Variants in RHPN1 observed in about 807,000 individuals in gnomAD.
RHPN1 encodes rhophilin Rho GTPase binding protein 1.
A neutral mutation model predicts 74.7 loss-of-function variants in RHPN1; 77 were observed. The ratio of observed to expected loss-of-function variants is 1.03; its 90% CI spans 0.86 to 1.25. The LOEUF is 1.25. RHPN1 is among the 50% of genes most tolerant of loss of function. The pLI is 0.00. For missense variants in RHPN1, 987 were observed against 932.2 expected, an observed-to-expected ratio of 1.06 and a Z score of -0.77; for synonymous variants, 444 against 414.5, an observed-to-expected ratio of 1.07 and a Z score of -0.87.
At position 143,381,303 on chromosome 8, in the gene RHPN1, C is replaced by T. The variant is rs142852353; in HGVS notation, c.1447C>T (p.Arg483Cys). The T allele has an allele frequency of 7.0e-4, 1,134 of 1,612,988 alleles. 8 individuals are homozygous for T. The African/African-American group carries it at 0.013, about 19-fold the overall frequency. Residue 483 changes from arginine (R) to cysteine (C), a missense_variant, in exon 12 of 15, where the codon CGC becomes TGC. Physicochemically the swap from Arg to Cys is radical, Grantham distance 180 (BLOSUM62 -3). Coordinates refer to ENST00000289013, the MANE Select transcript of RHPN1 (RefSeq NM_052924.3). ...THQKPEARMP[R>C]LSQGKGPDIF... The stretch of plus-strand genomic sequence containing the variant: ...CCAGAAGCCAGAGGCCAGGATGCCA[C>T]GCCTGTCCCAGGGGAAGGGGCCTGA...
At chr8:143,377,663 G>A (rs1285355811) in intron 4 of RHPN1, among the ~76,000 whole-genome samples, 2 of 152,142 alleles carry the variant, frequency 1.3e-5, no homozygotes, top group Admixed American at 6.5e-5. Context: ...TGGTGCCTGC[G>A]CCCCAGGCCG....
intron 7 of RHPN1, 59 bp from the exon 8 acceptor site, chr8:143,379,256 A>G (rs1818516562): frequency 4.0e-6 from 6 of 1,481,658 alleles, no homozygotes; most frequent in Non-Finnish European, 4.5e-6. Flanking sequence ...TGAGTGCTGC[A>G]TGGGGCAGAG....
Position 143,378,233 on chromosome 8 carries a change from G to C in RHPN1, c.382-36G>C, listed in dbSNP as rs1056513204. The C allele has an allele frequency of 6.6e-6, 10 of 1,525,866 alleles. No individual in the cohort carries two copies. In the East Asian group the frequency reaches 2.4e-4, roughly 37 times the overall value. The allele number at this position is 1,525,866 out of a possible 1,614,324, so 94.5% of individuals were successfully genotyped here. On this transcript the variant is annotated intron_variant, in intron 4 of 14. Coordinates refer to ENST00000289013, the MANE Select transcript of RHPN1 (RefSeq NM_052924.3). ...ACCTCAGGGAAGGAGGCCAGGCACA[G>C]GGGTACTGTGGATGCCAACACCTGC...
intron 4 of RHPN1, 142 bp downstream of exon 4, chr8:143,377,597 G>A: frequency 1.6e-6 from 1 of 626,954 alleles, no homozygotes; most frequent in Non-Finnish European, 2.8e-6. Flanking sequence ...AGGGACGCAA[G>A]GGACCTGGCA....
chr8:143,371,673 C>G (rs543890084), intron 1 of RHPN1, among the ~76,000 whole-genome samples: 4 of 152,240 alleles, frequency 2.6e-5, no homozygotes, highest in Non-Finnish European at 4.4e-5. Flanking sequence ...CCCTCTCCAT[C>G]GAGGCATGGC....
Position 143,375,613 on chromosome 8 carries a change from C to G in RHPN1, c.121C>G (p.His41Asp), listed in dbSNP as rs775558506. The G allele has an allele frequency of 6.2e-7, 1 of 1,609,194 alleles. No individual in the cohort carries two copies. The highest frequency in any genetic ancestry group is 8.5e-7 in the Non-Finnish European group (1 of 1,178,394). ...GQLQSRRAQI[H>D]QQIDKELQMR... Reference sequence around the variant, plus strand: ...GCTGCAGAGCCGCAGGGCCCAGATTCACCAGCAGATTGACAAGGAGCTGCA... The same window carrying G: ...GCTGCAGAGCCGCAGGGCCCAGATTGACCAGCAGATTGACAAGGAGCTGCA... Residue 41 changes from histidine (H) to aspartate (D), a missense_variant, in exon 2 of 15, where the codon CAC becomes GAC. By Grantham distance (81) the His-to-Asp change is moderately conservative. Transcript: ENST00000289013.
rs1818612829 is a variant in RHPN1, at chr8:143,380,142, C to T, written c.1183C>T (p.Leu395=). 3 of 1,548,494 alleles carry T rather than the reference C, an allele frequency of 1.9e-6. No individual in the cohort carries two copies. The highest frequency in any genetic ancestry group is 2.4e-5 in the South Asian group (2 of 83,954). ...CTCCTCTAAGCCCCGAGGCCCTGTG[C>T]TGCCGCAGGAGCTGGAGGAGCGCAG... ...PTSSKPRGPV[L]PQELEERRQL... The change falls in exon 10 of 15, where the codon CTG becomes TTG. Residue 395 remains leucine, a synonymous_variant. Transcript: ENST00000289013.
chr8:143,382,180 A>C (rs1314631367), intron 14 of RHPN1, among the ~76,000 whole-genome samples: 1 of 152,190 alleles, frequency 6.6e-6, no homozygotes, highest in Non-Finnish European at 1.5e-5. Flanking sequence ...CCCACCCCTC[A>C]CTGGGCCTCT....
rs748386173 is a variant in RHPN1, at chr8:143,381,647, G to A, written c.1564G>A (p.Gly522Ser). 1.5e-5 allele frequency: 24 copies of A among 1,611,126 alleles called. No individual in the cohort carries two copies. The highest frequency in any genetic ancestry group is 2.0e-5 in the Non-Finnish European group (24 of 1,179,368). ...GPVHLTRGEG[G>S]FGLTLRGDSP... The stretch of plus-strand genomic sequence containing the variant: ...CGTCCACCTGACCCGAGGAGAGGGC[G>A]GCTTTGGCCTCACGCTTCGGGGAGA... The change falls in exon 13 of 15, where the codon GGC becomes AGC. Residue 522 changes from glycine (G) to serine (S), a missense_variant. Coordinates refer to ENST00000289013, the MANE Select transcript of RHPN1 (RefSeq NM_052924.3).
At chr8:143,373,744 C>T (rs1433187417) in intron 1 of RHPN1, among the ~76,000 whole-genome samples, 1 of 151,478 alleles carries the variant, frequency 6.6e-6, no homozygotes, top group African/African-American at 2.4e-5. Flanking sequence ...GGGGACGGTG[C>T]CTCATCCTCC....
rs1818444158 is a variant in RHPN1, at chr8:143,378,475, C to G, written c.459+129C>G. On this transcript the variant is annotated intron_variant, in intron 5 of 14. Transcript: ENST00000289013. ...TCGAGGACGTGGGGAGACGGGCGCA[C>G]CAGGGGCCCTGTGTGTCCAGACCCA... 3 of 997,294 alleles carry G rather than the reference C, an allele frequency of 3.0e-6. No homozygotes were observed. The Admixed American group carries it at 6.3e-5, about 21-fold the overall frequency. 61.8% of individuals were successfully genotyped at this position (997,294 alleles called of 1,614,324 possible).
chr8:143,370,591 C>A (rs1215309308), intron 1 of RHPN1, among the ~76,000 whole-genome samples: 1 of 152,232 alleles, frequency 6.6e-6, no homozygotes, highest in Non-Finnish European at 1.5e-5. Context: ...TTGCCCCAGG[C>A]GTGATGAGAG....
chr8:143,374,235 G>C (rs144247206), intron 1 of RHPN1: 1 of 985,352 alleles, frequency 1.0e-6, no homozygotes, highest in Non-Finnish European at 1.2e-6. Flanking sequence ...CGGGTCCACA[G>C]AGGGGAAGAC....
chr8:143,377,060 G>GCA (rs1491280359), intron 3 of RHPN1, among the ~76,000 whole-genome samples: 35 of 43,496 alleles, frequency 8.0e-4, no homozygotes, highest in Non-Finnish European at 1.8e-3. Flanking sequence ...GTCTGTGTGT[G>GCA]CGCGTGTGTG....
intron 14 of RHPN1, among the ~76,000 whole-genome samples, 164 bp downstream of exon 14, chr8:143,382,132 A>G (rs1405614246): frequency 1.3e-5 from 2 of 152,148 alleles, no homozygotes; most frequent in African/African-American, 4.8e-5. Flanking sequence ...TGTGGCCTCC[A>G]TCTGGCAGCT....
chr8:143,379,389 C>G lies in RHPN1; in HGVS notation c.826C>G (p.Leu276Val). ...PDMSAASLCA[L>V]EQLMMAQAQE... is the part of the protein sequence containing the mutation. ...CATGAGCGCTGCGTCCCTCTGCGCACTGGAGCAGCTCATGATGGCCCAGGC... is the reference window on the plus strand; with the variant it reads ...CATGAGCGCTGCGTCCCTCTGCGCAGTGGAGCAGCTCATGATGGCCCAGGC... Residue 276 changes from leucine to valine, a missense_variant, in exon 8 of 15, where the codon CTG (leucine) becomes GTG (valine). Transcript: ENST00000289013. The G allele has an allele frequency of 6.3e-7, 1 of 1,597,636 alleles. No homozygotes were observed. The highest frequency in any genetic ancestry group is 8.5e-7 in the Non-Finnish European group (1 of 1,172,620).
chr8:143,379,833 CAGCCG>C lies in RHPN1; in HGVS notation c.953_957del (p.Ala318ValfsTer70). 2 of 1,607,044 alleles carry C rather than the reference CAGCCG, an allele frequency of 1.2e-6. No individual in the cohort carries two copies. Among genetic ancestry groups the C allele is most frequent in the Non-Finnish European group, 1.7e-6 (2 of 1,177,162 alleles). ...GCCTGCCACATCCACCGGCAGGTGG[CAGCCG>C]AGTACAGGCTAGTGCACCGGACCAT... On this transcript the variant is annotated frameshift_variant, in exon 9 of 15. Transcript: ENST00000289013. LOFTEE classifies it high-confidence loss of function.
Position 143,384,182 on chromosome 8 carries a change from G to A in RHPN1, c.*1531G>A, listed in dbSNP as rs532040989. 8.6e-5 allele frequency: 13 copies of A among 150,852 alleles called. No homozygotes were observed. The highest frequency in any genetic ancestry group is 3.1e-4 in the African/African-American group (13 of 41,508). The allele number at this position is 150,852 out of a possible 1,614,324, so 9.3% of individuals were successfully genotyped here. On this transcript the variant is annotated 3_prime_UTR_variant, in exon 15 of 15. Transcript: ENST00000289013. ...GGCCAAGGTCACGCAGGTCTCCCCA[G>A]CACGTGTTAATTTGGTTAATAAAAC...
rs375100593 is a variant in RHPN1, at chr8:143,381,878, G to A, written c.1707G>A (p.Ala569=). The A allele has an allele frequency of 4.3e-5, 69 of 1,612,934 alleles. No homozygotes were observed. The Admixed American group carries it at 6.8e-4, about 16-fold the overall frequency. ...NGQPCRWWRH[A]EVVTELKAAG... ...AGCCATGCAGGTGGTGGAGACACGC[G>A]GAGGTGGTGACGGAGCTGAAGGCTG... The change falls in exon 14 of 15, where the codon GCG becomes GCA. Residue 569 remains alanine, a synonymous_variant. Coordinates refer to ENST00000289013, the MANE Select transcript of RHPN1 (RefSeq NM_052924.3).
Sources: allele counts gnomAD v4.1 joint callset (sites outside exome capture counted in the v4.1 genomes callset), GRCh38; gene constraint gnomAD v4.1.1; transcripts MANE v1.5; gene names NCBI Gene and HGNC (gene_info 2026-07-23, HGNC 2026-07-21).